The following MALRD1 variants were observed in gnomAD, a reference collection of about 807,000 sequenced individuals.
The protein encoded by MALRD1 is MAM and LDL receptor class A domain containing 1.
Under a neutral mutation model 242.1 loss-of-function variants are expected in MALRD1, and 247 were observed. That is an observed-to-expected ratio of 1.02 (90% CI 0.92 to 1.13). MALRD1 has a LOEUF of 1.13. Among genes scored for constraint, MALRD1 ranks in the 50% most tolerant of loss-of-function variants. MALRD1 has a pLI of 0.00. For missense variants in MALRD1, 2,989 were observed against 2,533.1 expected, an observed-to-expected ratio of 1.18 and a Z score of -3.86; for synonymous variants, 995 against 866.6, an observed-to-expected ratio of 1.15 and a Z score of -2.60.
chr10:19,235,910 GTC>G (rs369478437), intron 18 of MALRD1, among the ~76,000 whole-genome samples: 7 of 152,072 alleles, frequency 4.6e-5, no homozygotes, highest in Admixed American at 1.3e-4. Context: ...GGAAATAACA[GTC>G]TGTGGGTTGG....
At chr10:19,327,512 A>G (rs1473066316) in intron 22 of MALRD1, 51 bp from the exon 23 acceptor site, 14 of 1,400,186 alleles carry the variant, frequency 1.0e-5, no homozygotes, top group South Asian at 1.3e-5. Context: ...CATGTTTGCA[A>G]TTTCTCAAGA....
intron 28 of MALRD1, among the ~76,000 whole-genome samples, chr10:19,447,393 ATAG>A (rs1835057650): frequency 6.6e-6 from 1 of 152,226 alleles, no homozygotes; most frequent in Non-Finnish European, 1.5e-5. Context: ...ATGATGTCTT[ATAG>A]TACATCACCA....
intron 38 of MALRD1, among the ~76,000 whole-genome samples, chr10:19,726,909 G>A (rs910303338): frequency 2.0e-5 from 3 of 152,162 alleles, no homozygotes; most frequent in African/African-American, 7.2e-5. Context: ...AAAGACAGAA[G>A]GTAAATCAGA....
At chr10:19,051,246 A>C (rs896145621) in intron 1 of MALRD1, among the ~76,000 whole-genome samples, 9 of 152,182 alleles carry the variant, frequency 5.9e-5, no homozygotes, top group African/African-American at 1.4e-4. Flanking sequence ...CTTATAGATT[A>C]GATTTTTTTA....
At chr10:19,160,244 G>C (rs1241257723) in intron 12 of MALRD1, among the ~76,000 whole-genome samples, 1 of 151,038 alleles carries the variant, frequency 6.6e-6, no homozygotes, top group Non-Finnish European at 1.5e-5. Flanking sequence ...CTTTGGCTCT[G>C]TTTATATGCT....
chr10:19,569,065 G>A (rs1182407874), intron 33 of MALRD1, among the ~76,000 whole-genome samples: 1 of 151,826 alleles, frequency 6.6e-6, no homozygotes, highest in African/African-American at 2.4e-5. Context: ...ATCTATTATT[G>A]TAAATATATT....
intron 12 of MALRD1, among the ~76,000 whole-genome samples, chr10:19,156,863 G>C (rs187368795): frequency 6.6e-6 from 1 of 152,190 alleles, no homozygotes; most frequent in Admixed American, 6.5e-5. Flanking sequence ...TGGGGTTGGG[G>C]TGTTATTTAG....
intron 28 of MALRD1, among the ~76,000 whole-genome samples, chr10:19,389,860 C>G (rs940555738): frequency 2.0e-5 from 3 of 152,094 alleles, no homozygotes; most frequent in Non-Finnish European, 2.9e-5. Flanking sequence ...ATTTTATATT[C>G]TTTGTTGCCC....
At chr10:19,125,303 TTCCTTCCTTCC>T (rs1837225049) in intron 7 of MALRD1, among the ~76,000 whole-genome samples, 4 of 52,428 alleles carry the variant, frequency 7.6e-5, no homozygotes, top group Non-Finnish European at 1.4e-4. Context: ...CCTTCCTTCC[TTCCTTCCTTCC>T]TTCCTTCCTT....
chr10:19,690,570 A>G (rs1228688014), intron 36 of MALRD1, among the ~76,000 whole-genome samples: 1 of 151,986 alleles, frequency 6.6e-6, no homozygotes, highest in African/African-American at 2.4e-5. Flanking sequence ...ACTTCTGTCA[A>G]TAAGAGAAAA....
At chr10:19,689,837 G>T (rs1473336419) in intron 36 of MALRD1, among the ~76,000 whole-genome samples, 1 of 152,036 alleles carries the variant, frequency 6.6e-6, no homozygotes, top group Non-Finnish European at 1.5e-5. Context: ...TTAGTGTGGA[G>T]ATTGCAGTTT....
chr10:19,463,576 GTGTGTGTGTGTGTGTA>G (rs1836056384), intron 29 of MALRD1, among the ~76,000 whole-genome samples: 1 of 20,982 alleles, frequency 4.8e-5, no homozygotes, highest in African/African-American at 1.2e-4. Context: ...GTGTGTGTGT[GTGTGTGTGTGTGTGTA>G]TATACTCTTT....
At chr10:19,641,904 CT>C (rs1188306484) in intron 36 of MALRD1, among the ~76,000 whole-genome samples, 3 of 152,088 alleles carry the variant, frequency 2.0e-5, no homozygotes, top group African/African-American at 7.2e-5. Context: ...GATCTAAACT[CT>C]GTCCTTTTAT....
At chr10:19,399,763 TAAAG>T (rs993000504) in intron 28 of MALRD1, among the ~76,000 whole-genome samples, 3 of 152,306 alleles carry the variant, frequency 2.0e-5, no homozygotes, top group Non-Finnish European at 2.9e-5. Context: ...TTTTAACAAA[TAAAG>T]AAATATTTAG....
intron 36 of MALRD1, among the ~76,000 whole-genome samples, chr10:19,687,966 ATGTTATGTTAT>A (rs998248007): frequency 7.6e-6 from 1 of 131,066 alleles, no homozygotes; most frequent in African/African-American, 2.8e-5. Context: ...ATGTTATGTT[ATGTTATGTTAT>A]GTTATTTTTG....
At chr10:19,285,384 A>G (rs1186479920) in intron 21 of MALRD1, among the ~76,000 whole-genome samples, 14 of 146,096 alleles carry the variant, frequency 9.6e-5, no homozygotes, top group African/African-American at 3.3e-4. Flanking sequence ...TTATGGTTTT[A>G]GGTCTAACGT....
chr10:19,682,703 T>C (rs1020676572), intron 36 of MALRD1, among the ~76,000 whole-genome samples: 1 of 152,184 alleles, frequency 6.6e-6, no homozygotes, highest in South Asian at 2.1e-4. Context: ...CTCATTTTGT[T>C]GCGATATAAT....
intron 18 of MALRD1, among the ~76,000 whole-genome samples, chr10:19,217,681 C>T (rs553846682): frequency 1.3e-5 from 2 of 152,146 alleles, no homozygotes; most frequent in African/African-American, 2.4e-5. Flanking sequence ...CGTGCACCAT[C>T]GTGCCCAGCT....
At chr10:19,420,890 G>A (rs1042106167) in intron 28 of MALRD1, among the ~76,000 whole-genome samples, 4 of 152,134 alleles carry the variant, frequency 2.6e-5, no homozygotes, top group African/African-American at 4.8e-5. Context: ...GGAATCAGAA[G>A]GGTGCATTTC....
Sources: allele counts gnomAD v4.1 joint callset (sites outside exome capture counted in the v4.1 genomes callset), GRCh38; gene constraint gnomAD v4.1.1; transcripts MANE v1.5; gene names NCBI Gene and HGNC (gene_info 2026-07-23, HGNC 2026-07-21).